XRCC5: variants seen among roughly 807,000 people sequenced by gnomAD.
XRCC5 encodes DNA repair protein Ku80.
XRCC5 carries 12 observed loss-of-function variants against 95.7 expected under a neutral mutation model. The observed-to-expected ratio is 0.13, with a 90% CI of 0.08 to 0.20. The LOEUF (loss-of-function observed/expected upper bound fraction) is 0.20. Ranked by LOEUF, XRCC5 falls within the 10% of genes least tolerant of loss-of-function variation. The pLI, the probability that XRCC5 is intolerant of heterozygous loss-of-function variation, is 1.00. For synonymous variants in XRCC5, 281 were observed against 290.3 expected, an observed-to-expected ratio of 0.97 and a Z score of 0.33; for missense variants, 595 against 873.9, an observed-to-expected ratio of 0.68 and a Z score of 4.02.
chr2:216,154,046 T>C lies in XRCC5; in HGVS notation c.1670+5770T>C, dbSNP rs192759389. Reference sequence around the variant, plus strand: ...TTTTACATTCTATATGTAATTGGTTTACCAAGTTGTATTATATTTACCTCA... The same window carrying C: ...TTTTACATTCTATATGTAATTGGTTCACCAAGTTGTATTATATTTACCTCA... On this transcript the variant is annotated intron_variant, in intron 14 of 20. Transcript: ENST00000392132. Among the ~76,000 whole-genome samples the C allele has an allele frequency of 8.4e-4, 128 of 152,362 alleles. 1 individual carries two copies. Among genetic ancestry groups the C allele is most frequent in the Middle Eastern group, 3.4e-3 (1 of 294 alleles).
intron 16 of XRCC5, among the ~76,000 whole-genome samples, chr2:216,184,724 G>A (rs1007553836): frequency 3.3e-5 from 5 of 152,162 alleles, no homozygotes; most frequent in African/African-American, 9.7e-5. Context: ...CAGGTGATCC[G>A]CCCGTCTCGG....
intron 14 of XRCC5, among the ~76,000 whole-genome samples, chr2:216,155,585 C>T (rs1189954460): frequency 2.6e-5 from 4 of 152,102 alleles, no homozygotes; most frequent in Non-Finnish European, 4.4e-5. Context: ...CCAGTGTACT[C>T]GTCACTAGGG....
chr2:216,160,172 C>G lies in XRCC5; in HGVS notation c.1764+11C>G. The stretch of plus-strand genomic sequence containing the variant: ...GGCAGTGTCACCTCTGTAAGCTAAG[C>G]TTTTCAAGTGCGCTTCCCCCTTTGC... On this transcript the variant is annotated intron_variant, in intron 15 of 20. Coordinates refer to ENST00000392132, the MANE Select transcript of XRCC5 (RefSeq NM_021141.4). The G allele has an allele frequency of 3.2e-6, 5 of 1,579,080 alleles. No individual in the cohort carries two copies. The highest frequency in any genetic ancestry group is 1.2e-5 in the South Asian group (1 of 86,868).
chr2:216,133,056 G>A (rs760724565), intron 10 of XRCC5, among the ~76,000 whole-genome samples: 2 of 152,188 alleles, frequency 1.3e-5, no homozygotes, highest in African/African-American at 2.4e-5. Flanking sequence ...TGGGGTGGGG[G>A]TAGGGTGGTG....
In XRCC5 at chr2:216,206,207, C is replaced by CT. The variant is rs1689940901; in HGVS notation, c.*1006dup. On this transcript the variant is annotated 3_prime_UTR_variant, in exon 21 of 21. Coordinates refer to ENST00000392132, the MANE Select transcript of XRCC5 (RefSeq NM_021141.4). Reference sequence around the variant, plus strand: ...CAGACTTCTTGGTACCCAGTCACCTCTGTCTTCAGCACCCTCATAAGTCGT... The same window carrying CT: ...CAGACTTCTTGGTACCCAGTCACCTCTTGTCTTCAGCACCCTCATAAGTCGT... 1 of 152,202 alleles carries CT rather than the reference C, an allele frequency of 6.6e-6. No individual in the cohort carries two copies. The highest frequency in any genetic ancestry group is 1.5e-5 in the Non-Finnish European group (1 of 68,040). The allele number at this position is 152,202 out of a possible 1,614,324, so 9.4% of individuals were successfully genotyped here. A position where few individuals can be genotyped will look rare whatever the true frequency, so the allele number is the denominator to read the frequency against.
intron 16 of XRCC5, among the ~76,000 whole-genome samples, chr2:216,164,949 T>C (rs138594453): frequency 5.3e-5 from 8 of 152,254 alleles, no homozygotes; most frequent in African/African-American, 1.9e-4. Flanking sequence ...GGAAAATATG[T>C]CTTACCCCTG....
intron 16 of XRCC5, among the ~76,000 whole-genome samples, chr2:216,164,897 G>C (rs972233033): frequency 2.0e-5 from 3 of 152,204 alleles, no homozygotes; most frequent in Non-Finnish European, 2.9e-5. Context: ...AGTCTGAAAA[G>C]ACCAGGAGAG....
At chr2:216,157,235 TTTTG>T (rs144859685) in intron 14 of XRCC5, among the ~76,000 whole-genome samples, 37,581 of 150,868 alleles carry the variant, frequency 0.25, 5,588 homozygotes, top group Non-Finnish European at 0.36. Context: ...TTTGTTTTTT[TTTTG>T]TTGTTGTTTT....
intron 6 of XRCC5, among the ~76,000 whole-genome samples, chr2:216,123,242 G>C (rs1296617638): frequency 6.6e-6 from 1 of 151,812 alleles, no homozygotes; most frequent in Non-Finnish European, 1.5e-5. Context: ...TTTTCTAAAC[G>C]ACCATTTTTA....
At chr2:216,197,928 C>T (rs895994605) in intron 19 of XRCC5, among the ~76,000 whole-genome samples, 7 of 152,114 alleles carry the variant, frequency 4.6e-5, no homozygotes, top group African/African-American at 1.4e-4. Context: ...TGTTTGTCTA[C>T]AACACTATAT....
intron 16 of XRCC5, among the ~76,000 whole-genome samples, chr2:216,170,337 C>T (rs1689137831): frequency 6.6e-6 from 1 of 152,034 alleles, no homozygotes; most frequent in Non-Finnish European, 1.5e-5. Flanking sequence ...TAATTTTTCT[C>T]TTTTTATATT....
At chr2:216,128,890 A>G (rs756731263) in intron 8 of XRCC5, among the ~76,000 whole-genome samples, 2 of 152,234 alleles carry the variant, frequency 1.3e-5, no homozygotes, top group Non-Finnish European at 2.9e-5. Context: ...TCAAAGCCCC[A>G]CAGTTCTCAA....
chr2:216,171,412 A>G (rs747616239), intron 16 of XRCC5, among the ~76,000 whole-genome samples: 1 of 152,270 alleles, frequency 6.6e-6, no homozygotes, highest in Non-Finnish European at 1.5e-5. Context: ...GGGCTGGAGA[A>G]TATTACCAGC....
intron 14 of XRCC5, chr2:216,156,448 C>G: frequency 1.4e-6 from 1 of 718,038 alleles, no homozygotes; most frequent in South Asian, 1.3e-5. Context: ...TAGTCTCTAT[C>G]GTACAGCACT....
chr2:216,118,592 C>A lies in XRCC5; in HGVS notation c.369-451C>A, dbSNP rs967836088. 4.6e-5 allele frequency among the ~76,000 whole-genome samples: 7 copies of A among 152,288 alleles called. No homozygotes were observed. In the East Asian group the frequency reaches 1.3e-3, roughly 29 times the overall value. ...TCAGGAAAATCATTTGCACTAAAAT[C>A]CCAGACCTAAATCTGTGTAATCATT... is the stretch of plus-strand genomic sequence containing the variant. On this transcript the variant is annotated intron_variant, in intron 4 of 20. Coordinates refer to ENST00000392132, the MANE Select transcript of XRCC5 (RefSeq NM_021141.4).
rs369047965 is a variant in XRCC5, at chr2:216,205,219, G to A, written c.*17G>A. 6.2e-7 allele frequency: 1 copy of A among 1,613,946 alleles called. No individual in the cohort carries two copies. On this transcript the variant is annotated 3_prime_UTR_variant, in exon 21 of 21. Coordinates refer to ENST00000392132, the MANE Select transcript of XRCC5 (RefSeq NM_021141.4). ...ATGATATAGGTCGTGGATGTATGGG[G>A]AATCTAAGAGAGCTGCCATCGCTGT...
chr2:216,198,453 T>G (rs1055458247), intron 19 of XRCC5, among the ~76,000 whole-genome samples: 2 of 152,256 alleles, frequency 1.3e-5, no homozygotes, highest in African/African-American at 4.8e-5. Flanking sequence ...GAGATTATGC[T>G]TTTGTGTCTG....
In XRCC5 at chr2:216,204,439, C is replaced by G. The variant is rs543852590; in HGVS notation, c.2184+43C>G. On this transcript the variant is annotated intron_variant, in intron 20 of 20. Transcript: ENST00000392132. ...GCACCTGGTGTTCTATGATTGAAGT[C>G]ACCTGAGCTGTAAATACAGCCACAA... is the stretch of plus-strand genomic sequence containing the variant. 2.5e-6 allele frequency: 4 copies of G among 1,604,156 alleles called. No individual in the cohort carries two copies. In the South Asian group the frequency reaches 4.4e-5, roughly 18 times the overall value.
rs75658968 is a variant in XRCC5 at position 216,192,313 on chromosome 2, G to A, written c.1945-326G>A. 2.4e-3 allele frequency among the ~76,000 whole-genome samples: 362 copies of A among 152,252 alleles called. 1 individual carries two copies. The highest frequency in any genetic ancestry group is 8.1e-3 in the African/African-American group (337 of 41,550). The stretch of plus-strand genomic sequence containing the variant: ...TCGGCCTGAGTTGATAATTATTGAA[G>A]CTGGGTTATGAGTGTGCGAGCACTC... On this transcript the variant is annotated intron_variant, in intron 17 of 20. Transcript: ENST00000392132.
Sources: allele counts gnomAD v4.1 joint callset (sites outside exome capture counted in the v4.1 genomes callset), GRCh38; gene constraint gnomAD v4.1.1; transcripts MANE v1.5; gene names NCBI Gene and HGNC (gene_info 2026-07-23, HGNC 2026-07-21).